TRIM44: variants seen among roughly 807,000 people sequenced by gnomAD.
TRIM44 encodes tripartite motif containing 44.
A neutral mutation model predicts 37.4 loss-of-function variants in TRIM44; 13 were observed. The observed-to-expected ratio is 0.35, with a 90% confidence interval of 0.23 to 0.55. The LOEUF is 0.55. Among genes scored for constraint, TRIM44 ranks in the 20% least tolerant of loss-of-function variants. TRIM44 has a pLI of 0.89. For missense variants in TRIM44, 426 were observed against 437.2 expected, an observed-to-expected ratio of 0.97 and a Z score of 0.23; for synonymous variants, 175 against 157.2, an observed-to-expected ratio of 1.11 and a Z score of -0.85.
Position 35,781,538 on chromosome 11 carries a change from G to A in TRIM44, c.1008-24820G>A, listed in dbSNP as rs533722242. 2.6e-5 allele frequency among the ~76,000 whole-genome samples: 4 copies of A among 152,318 alleles called. No homozygotes were observed. In the East Asian group the frequency reaches 7.7e-4, roughly 29 times the overall value. ...TCAGGATCCAGATATGCCAGAGTCA[G>A]TGGGAAGCCTCCAGATCCCTAGTCA... is the stretch of plus-strand genomic sequence containing the variant. On this transcript the variant is annotated intron_variant, in intron 4 of 4. Coordinates refer to ENST00000299413, the MANE Select transcript of TRIM44 (RefSeq NM_017583.6).
At chr11:35,756,154 A>G (rs1397822634) in intron 4 of TRIM44, among the ~76,000 whole-genome samples, 2 of 152,168 alleles carry the variant, frequency 1.3e-5, no homozygotes, top group Non-Finnish European at 2.9e-5. Context: ...ATGTTCTTCC[A>G]TTTGTTTGTA....
chr11:35,753,619 T>C (rs925838459), intron 4 of TRIM44, among the ~76,000 whole-genome samples: 1 of 152,236 alleles, frequency 6.6e-6, no homozygotes, highest in Non-Finnish European at 1.5e-5. Context: ...TCAATATTGT[T>C]TTGTTTTCAG....
rs115579309 is a variant in TRIM44 at position 35,794,794 on chromosome 11, T to G, written c.1008-11564T>G. ...TTATACGATTGTTTTGATCATTTAT[T>G]CATTCACTCAAAAACATTTGTTGCA... On this transcript the variant is annotated intron_variant, in intron 4 of 4. Coordinates refer to ENST00000299413, the MANE Select transcript of TRIM44 (RefSeq NM_017583.6). Among the ~76,000 whole-genome samples, 1,180 of 152,360 alleles carry G rather than the reference T, an allele frequency of 7.7e-3. 24 individuals are homozygous for G. The highest frequency in any genetic ancestry group is 0.027 in the African/African-American group (1,131 of 41,584).
chr11:35,738,207 C>G (rs1852349393), intron 4 of TRIM44, among the ~76,000 whole-genome samples: 1 of 152,170 alleles, frequency 6.6e-6, no homozygotes, highest in African/African-American at 2.4e-5. Context: ...ATCTTTATAG[C>G]CACATGCCAG....
At position 35,815,972 on chromosome 11, in the gene TRIM44, C is replaced by G. The variant is rs578245694; in HGVS notation, c.*9587C>G. On this transcript the variant is annotated 3_prime_UTR_variant, in exon 5 of 5. Transcript: ENST00000299413. ...AACAGCCTCATGAGGACATGCAAAACTGCTGTCTATCTTCAGACCTGGCCC... is the reference window on the plus strand; with the variant it reads ...AACAGCCTCATGAGGACATGCAAAAGTGCTGTCTATCTTCAGACCTGGCCC... 18 of 152,294 alleles carry G rather than the reference C, an allele frequency of 1.2e-4. No homozygotes were observed. Among genetic ancestry groups the G allele is most frequent in the African/African-American group, 4.3e-4 (18 of 41,560 alleles). 9.4% of individuals were successfully genotyped at this position (152,294 alleles called of 1,614,324 possible). A position where few individuals can be genotyped will look rare whatever the true frequency, so the allele number is the denominator to read the frequency against.
intron 4 of TRIM44, among the ~76,000 whole-genome samples, chr11:35,749,572 C>T (rs1258935476): frequency 6.6e-6 from 1 of 152,204 alleles, no homozygotes; most frequent in African/African-American, 2.4e-5. Flanking sequence ...GTAATCCCAC[C>T]TACTCAGGAG....
chr11:35,719,956 G>C (rs1411582939), intron 2 of TRIM44, among the ~76,000 whole-genome samples: 1 of 152,138 alleles, frequency 6.6e-6, no homozygotes, highest in Admixed American at 6.5e-5. Context: ...TTTATAGTAA[G>C]ACTTGAATTG....
At chr11:35,805,357 G>T (rs145693291) in intron 4 of TRIM44, among the ~76,000 whole-genome samples, 112 of 152,308 alleles carry the variant, frequency 7.4e-4, no homozygotes, top group African/African-American at 2.6e-3. Context: ...TTGCTTTTCT[G>T]AGTGTGCTCA....
At chr11:35,701,525 A>G (rs888921466) in intron 2 of TRIM44, among the ~76,000 whole-genome samples, 6 of 152,186 alleles carry the variant, frequency 3.9e-5, no homozygotes, top group African/African-American at 1.4e-4. Flanking sequence ...CAAACCAGAA[A>G]GTACTCATTC....
intron 4 of TRIM44, among the ~76,000 whole-genome samples, chr11:35,796,625 T>C (rs1853294097): frequency 6.6e-6 from 1 of 152,072 alleles, no homozygotes; most frequent in Non-Finnish European, 1.5e-5. Flanking sequence ...GCCTGGGCCC[T>C]AGTAGAGGGT....
At chr11:35,793,558 A>G (rs1167853385) in intron 4 of TRIM44, among the ~76,000 whole-genome samples, 1 of 152,076 alleles carries the variant, frequency 6.6e-6, no homozygotes, top group Admixed American at 6.6e-5. Context: ...GACTATTGGG[A>G]TCCCCTGTAA....
At chr11:35,730,017 A>G (rs994618139) in intron 3 of TRIM44, among the ~76,000 whole-genome samples, 3 of 152,240 alleles carry the variant, frequency 2.0e-5, no homozygotes, top group African/African-American at 2.4e-5. Flanking sequence ...TAAGGAGAAA[A>G]GAGAATTGAT....
chr11:35,796,772 G>C (rs1324887552), intron 4 of TRIM44, among the ~76,000 whole-genome samples: 1 of 152,146 alleles, frequency 6.6e-6, no homozygotes, highest in Non-Finnish European at 1.5e-5. Flanking sequence ...CTGGCCCCAG[G>C]GCATTTTTCT....
intron 2 of TRIM44, among the ~76,000 whole-genome samples, chr11:35,706,873 C>T (rs1851892244): frequency 6.6e-6 from 1 of 150,686 alleles, no homozygotes; most frequent in Admixed American, 6.6e-5. Flanking sequence ...TGCCCTCTCT[C>T]ACCACTCCTA....
At chr11:35,757,043 C>G (rs1852653658) in intron 4 of TRIM44, among the ~76,000 whole-genome samples, 1 of 152,180 alleles carries the variant, frequency 6.6e-6, no homozygotes, top group South Asian at 2.1e-4. Flanking sequence ...GGAGGATTCC[C>G]TCTTTTTCTG....
chr11:35,793,048 G>A (rs1853234963), intron 4 of TRIM44, among the ~76,000 whole-genome samples: 1 of 151,954 alleles, frequency 6.6e-6, no homozygotes, highest in Non-Finnish European at 1.5e-5. Context: ...TTGGTGGCAG[G>A]CCCTTTTACA....
intron 4 of TRIM44, among the ~76,000 whole-genome samples, chr11:35,772,820 C>T (rs892597840): frequency 1.3e-5 from 2 of 152,050 alleles, no homozygotes; most frequent in African/African-American, 2.4e-5. Flanking sequence ...TGGACTTCTG[C>T]GTTAATGCTG....
intron 3 of TRIM44, among the ~76,000 whole-genome samples, chr11:35,734,881 T>A (rs1411015395): frequency 2.0e-5 from 3 of 152,336 alleles, no homozygotes; most frequent in African/African-American, 7.2e-5. Flanking sequence ...AATTAATGTT[T>A]GCCCAAGGAC....
chr11:35,663,344 A>T lies in TRIM44; in HGVS notation c.233A>T (p.Lys78Met). 1.2e-6 allele frequency: 2 copies of T among 1,613,936 alleles called. No individual in the cohort carries two copies. Among genetic ancestry groups the T allele is most frequent in the Non-Finnish European group, 1.7e-6 (2 of 1,179,936 alleles). ...TPPADGEGAGKEEAEVKVEQE... is the reference protein window; with the variant it reads ...TPPADGEGAGMEEAEVKVEQE... Reference sequence around the variant, plus strand: ...CCAGCTGACGGAGAGGGGGCGGGGAAGGAAGAAGCGGAGGTCAAGGTGGAG... The same window carrying T: ...CCAGCTGACGGAGAGGGGGCGGGGATGGAAGAAGCGGAGGTCAAGGTGGAG... The change falls in exon 1 of 5, where the codon AAG becomes ATG. Residue 78 changes from lysine to methionine, a missense_variant. By Grantham distance (95) the Lys-to-Met change is moderately conservative. Transcript: ENST00000299413.
Sources: allele counts gnomAD v4.1 joint callset (sites outside exome capture counted in the v4.1 genomes callset), GRCh38; gene constraint gnomAD v4.1.1; transcripts MANE v1.5; gene names NCBI Gene and HGNC (gene_info 2026-07-23, HGNC 2026-07-21).